Variants in DLGAP2 observed in about 807,000 individuals in gnomAD.
DLGAP2 encodes disks large-associated protein 2.
Under a neutral mutation model 100.3 loss-of-function variants are expected in DLGAP2, and 26 were observed. The ratio of observed to expected loss-of-function variants is 0.26; its 90% CI spans 0.19 to 0.36. DLGAP2 has a LOEUF of 0.36. Ranked by LOEUF, DLGAP2 falls within the 10% of genes least tolerant of loss-of-function variation. The probability of loss-of-function intolerance (pLI) is 1.00; values close to 1 mark genes in which losing one functional copy is unlikely to be tolerated. For synonymous variants in DLGAP2, 886 were observed against 630.1 expected, an observed-to-expected ratio of 1.41 and a Z score of -6.08; for missense variants, 1,858 against 1,453.2, an observed-to-expected ratio of 1.28 and a Z score of -4.53.
chr8:1,232,160 G>A (rs1203463697), intron 2 of DLGAP2, among the ~76,000 whole-genome samples: 1 of 152,206 alleles, frequency 6.6e-6, no homozygotes, highest in African/African-American at 2.4e-5. Context: ...ACGACTGGGT[G>A]GTGCTGAGCC....
intron 1 of DLGAP2, among the ~76,000 whole-genome samples, chr8:772,503 A>G (rs1215030929): frequency 1.3e-5 from 2 of 151,820 alleles, no homozygotes; most frequent in African/African-American, 4.8e-5. Flanking sequence ...TTGTATTTTT[A>G]GTAGAGACGG....
At chr8:811,233 C>T (rs765494529) in intron 1 of DLGAP2, among the ~76,000 whole-genome samples, 2 of 152,270 alleles carry the variant, frequency 1.3e-5, no homozygotes, top group South Asian at 4.1e-4. Context: ...GGTTTCCTCC[C>T]TTCTTGGAGA....
chr8:1,624,174 C>T (rs17064113), intron 6 of DLGAP2, among the ~76,000 whole-genome samples: 2,563 of 152,204 alleles, frequency 0.017, 66 homozygotes, highest in African/African-American at 0.057. Context: ...AAATGCAAAA[C>T]GGTGGTGTTA....
chr8:1,240,655 A>T (rs1235494079), intron 2 of DLGAP2, among the ~76,000 whole-genome samples: 4 of 141,352 alleles, frequency 2.8e-5, no homozygotes, highest in Non-Finnish European at 4.6e-5. Flanking sequence ...TCTCACACAG[A>T]GCATCGTGTC....
intron 2 of DLGAP2, among the ~76,000 whole-genome samples, chr8:1,094,538 C>T (rs911412675): frequency 2.0e-5 from 3 of 152,218 alleles, no homozygotes; most frequent in Admixed American, 6.5e-5. Context: ...TTTCTCAGTC[C>T]TTTGATGGTG....
chr8:1,102,440 G>A (rs1043267688), intron 2 of DLGAP2, among the ~76,000 whole-genome samples: 2 of 150,952 alleles, frequency 1.3e-5, no homozygotes, highest in East Asian at 1.9e-4. Context: ...TTGGCATGCC[G>A]TCCAAAAATC....
intron 3 of DLGAP2, chr8:1,259,668 G>A (rs1351228528): frequency 2.0e-5 from 3 of 152,214 alleles, no homozygotes; most frequent in Non-Finnish European, 2.9e-5. Flanking sequence ...TGCTTCCACA[G>A]GGAGAGATGG....
chr8:1,660,363 C>G (rs1309625369), intron 8 of DLGAP2, among the ~76,000 whole-genome samples: 2 of 152,172 alleles, frequency 1.3e-5, no homozygotes, highest in African/African-American at 4.8e-5. Flanking sequence ...TTATTTGTAA[C>G]TTATTGTTCT....
chr8:1,295,428 C>T (rs1396534222), intron 3 of DLGAP2, among the ~76,000 whole-genome samples: 1 of 152,160 alleles, frequency 6.6e-6, no homozygotes, highest in East Asian at 1.9e-4. Flanking sequence ...CTTCCGGCCG[C>T]CAGGAGGGGA....
rs765957191 is a variant in DLGAP2 at position 1,428,891 on chromosome 8, G to A, written c.107-72475G>A. On this transcript the variant is annotated intron_variant, in intron 3 of 14. Transcript: ENST00000637795. Reference sequence around the variant, plus strand: ...GCTAGGTGACTCCCATGCACAGGACGTCGTCTCATGCCCTGCTTGGCTATC... The same window carrying A: ...GCTAGGTGACTCCCATGCACAGGACATCGTCTCATGCCCTGCTTGGCTATC... Among the ~76,000 whole-genome samples, 10 of 152,314 alleles carry A rather than the reference G, an allele frequency of 6.6e-5. No individual in the cohort carries two copies. The East Asian group carries it at 7.7e-4, about 12-fold the overall frequency.
At position 1,090,504 on chromosome 8, in the gene DLGAP2, A is replaced by G. The variant is rs561733649; in HGVS notation, c.74-168347A>G. ...GCCAGCTACCAGCACAGGCATGTGC[A>G]CAGATGCCTGAGGCAGTCCAGAAAT... On this transcript the variant is annotated intron_variant, in intron 2 of 14. Coordinates refer to ENST00000637795, the MANE Select transcript of DLGAP2 (RefSeq NM_001346810.2). Among the ~76,000 whole-genome samples the G allele has an allele frequency of 4.5e-4, 69 of 152,326 alleles. 2 individuals are homozygous for G. The South Asian group carries it at 0.014, about 31-fold the overall frequency.
At chr8:1,684,404 T>C (rs1194869770) in intron 12 of DLGAP2, among the ~76,000 whole-genome samples, 1 of 152,104 alleles carries the variant, frequency 6.6e-6, no homozygotes, top group Non-Finnish European at 1.5e-5. Context: ...TAATTTCCAG[T>C]CCTAATTTTA....
chr8:1,169,895 C>T (rs1797093178), intron 2 of DLGAP2, among the ~76,000 whole-genome samples: 1 of 151,888 alleles, frequency 6.6e-6, no homozygotes, highest in African/African-American at 2.4e-5. Context: ...GCCTAATTGC[C>T]CTGGCTAGAA....
chr8:988,153 G>A (rs1163819456), intron 2 of DLGAP2, among the ~76,000 whole-genome samples: 4 of 152,122 alleles, frequency 2.6e-5, no homozygotes, highest in East Asian at 1.9e-4. Context: ...GTAGCTAATC[G>A]CATGATTTTT....
intron 1 of DLGAP2, among the ~76,000 whole-genome samples, chr8:809,966 TGCG>T (rs1796341597): frequency 6.6e-6 from 1 of 152,234 alleles, no homozygotes; most frequent in South Asian, 2.1e-4. Flanking sequence ...AAGCCTGGAC[TGCG>T]GTCAAGGCCC....
At chr8:1,206,632 C>A (rs112763337) in intron 2 of DLGAP2, among the ~76,000 whole-genome samples, 3 of 71,298 alleles carry the variant, frequency 4.2e-5, no homozygotes, top group Non-Finnish European at 7.7e-5. Context: ...AGACTGTGAG[C>A]GGTTAATCTC....
intron 3 of DLGAP2, among the ~76,000 whole-genome samples, chr8:1,455,300 C>T (rs572686644): frequency 1.3e-5 from 2 of 152,348 alleles, no homozygotes; most frequent in East Asian, 3.9e-4. Context: ...TGGGGCAGGG[C>T]CCCTCTGGAG....
At chr8:1,556,580 C>G (rs753492717) in intron 5 of DLGAP2, among the ~76,000 whole-genome samples, 1 of 152,170 alleles carries the variant, frequency 6.6e-6, no homozygotes, top group Admixed American at 6.5e-5. Context: ...TGTGAATGAT[C>G]CTGGAAGGGC....
At chr8:1,194,739 C>T (rs1797712951) in intron 2 of DLGAP2, among the ~76,000 whole-genome samples, 1 of 152,168 alleles carries the variant, frequency 6.6e-6, no homozygotes, top group Non-Finnish European at 1.5e-5. Context: ...TCCCTGGGCC[C>T]GATGAGCTTC....
Sources: gnomAD v4.1 joint callset for allele counts (sites outside exome capture counted in the v4.1 genomes callset) on GRCh38, gnomAD v4.1.1 for gene constraint, MANE v1.5 for transcripts, NCBI Gene and HGNC (gene_info 2026-07-23, HGNC 2026-07-21) for gene names.